The following RIT2 variants were observed in gnomAD, a reference collection of about 807,000 sequenced individuals.
RIT2 encodes Ras like without CAAX 2.
RIT2 carries 24 observed loss-of-function variants against 23.7 expected under a neutral mutation model. That is an observed-to-expected ratio of 1.01 (90% confidence interval 0.73 to 1.43). The LOEUF is 1.43. Among genes scored for constraint, RIT2 ranks in the 40% most tolerant of loss-of-function variants. The pLI is 0.00. For missense variants in RIT2, 236 were observed against 266.9 expected, an observed-to-expected ratio of 0.88 and a Z score of 0.81; for synonymous variants, 107 against 91.1, an observed-to-expected ratio of 1.17 and a Z score of -0.99.
At chr18:43,061,652 G>A (rs1344410341) in intron 1 of RIT2, among the ~76,000 whole-genome samples, 3 of 151,968 alleles carry the variant, frequency 2.0e-5, no homozygotes, top group Non-Finnish European at 4.4e-5. Context: ...CAATTGAACG[G>A]TGCTTTTTCC....
intron 2 of RIT2, among the ~76,000 whole-genome samples, chr18:42,987,180 G>C (rs537605487): frequency 2.6e-5 from 4 of 152,282 alleles, no homozygotes; most frequent in Admixed American, 1.3e-4. Context: ...ATGTATGTGT[G>C]TGCGTACGTA....
chr18:42,915,388 T>C lies in RIT2; in HGVS notation c.426+8184A>G, dbSNP rs548515883. Among the ~76,000 whole-genome samples, 150 of 152,168 alleles carry C rather than the reference T, an allele frequency of 9.9e-4. 1 individual carries two copies. The highest frequency in any genetic ancestry group is 2.8e-3 in the Admixed American group (42 of 15,238). ...TTGGCACCTTTTTGAAGTGACTGGT[T>C]AAAAATTACAAAAGGTTAGTTAAGA... On this transcript the variant is annotated intron_variant, in intron 4 of 4. Transcript: ENST00000326695.
chr18:42,905,992 GTATATATATATATA>G, intron 4 of RIT2, among the ~76,000 whole-genome samples: 1 of 2,222 alleles, frequency 4.5e-4, no homozygotes, highest in South Asian at 0.013. Flanking sequence ...ATATATATAT[GTATATATATATATA>G]CATATATATA....
intron 1 of RIT2, among the ~76,000 whole-genome samples, chr18:43,101,876 C>A (rs759096750): frequency 6.6e-6 from 1 of 152,054 alleles, no homozygotes; most frequent in Non-Finnish European, 1.5e-5. Context: ...TAAGCTCATT[C>A]ATTAAGACGG....
At chr18:42,800,236 C>A (rs949398684) in intron 4 of RIT2, among the ~76,000 whole-genome samples, 2 of 152,210 alleles carry the variant, frequency 1.3e-5, no homozygotes, top group African/African-American at 4.8e-5. Flanking sequence ...CTGTGCACAG[C>A]TGGTCCTATA....
chr18:43,003,761 G>GACACACAC (rs56860348), intron 2 of RIT2, among the ~76,000 whole-genome samples: 80 of 129,588 alleles, frequency 6.2e-4, no homozygotes, highest in African/African-American at 1.9e-3. Context: ...CCTCCTCAGT[G>GACACACAC]ACACACACAC....
In RIT2 at chr18:42,892,657, G is replaced by GTT. The variant is rs1908212506; in HGVS notation, c.426+30914_426+30915insAA. Among the ~76,000 whole-genome samples the GTT allele has an allele frequency of 3.3e-5, 5 of 152,132 alleles. No individual in the cohort carries two copies. In the South Asian group the frequency reaches 6.2e-4, roughly 19 times the overall value. On this transcript the variant is annotated intron_variant, in intron 4 of 4. Coordinates refer to ENST00000326695, the MANE Select transcript of RIT2 (RefSeq NM_002930.4). ...TCATTTGACAAATAAAGCAGCTTTA[G>GTT]GATCATGTACATAAAACATGTGTTA...
At chr18:42,861,842 C>T (rs1455800961) in intron 4 of RIT2, among the ~76,000 whole-genome samples, 3 of 152,184 alleles carry the variant, frequency 2.0e-5, no homozygotes, top group Non-Finnish European at 4.4e-5. Flanking sequence ...AGGGGCTAAA[C>T]AAACCTAGAA....
At chr18:42,886,899 T>C (rs1908036720) in intron 4 of RIT2, among the ~76,000 whole-genome samples, 1 of 152,146 alleles carries the variant, frequency 6.6e-6, no homozygotes, top group Non-Finnish European at 1.5e-5. Context: ...ATTTTCTTTT[T>C]GCAAGACCAC....
intron 4 of RIT2, among the ~76,000 whole-genome samples, chr18:42,872,817 T>C (rs1907652800): frequency 6.6e-6 from 1 of 152,216 alleles, no homozygotes; most frequent in Non-Finnish European, 1.5e-5. Context: ...TCTTGTCCCA[T>C]ATTAATTTTT....
At chr18:42,933,357 C>T (rs1909374737) in intron 3 of RIT2, among the ~76,000 whole-genome samples, 3 of 151,934 alleles carry the variant, frequency 2.0e-5, no homozygotes, top group Non-Finnish European at 2.9e-5. Context: ...TTTTTGTTCC[C>T]AAGTCAGTCA....
At chr18:43,074,865 G>T (rs563448299) in intron 1 of RIT2, among the ~76,000 whole-genome samples, 1 of 152,320 alleles carries the variant, frequency 6.6e-6, no homozygotes, top group South Asian at 2.1e-4. Flanking sequence ...ATGGATGCAG[G>T]GAGGGGAACA....
intron 1 of RIT2, among the ~76,000 whole-genome samples, chr18:43,089,240 G>A (rs192936236): frequency 1.3e-5 from 2 of 152,110 alleles, no homozygotes; most frequent in East Asian, 3.9e-4. Flanking sequence ...AACAATGTCA[G>A]CAAAGTCTCA....
At chr18:42,782,566 A>G (rs1367034879) in intron 4 of RIT2, among the ~76,000 whole-genome samples, 1 of 152,118 alleles carries the variant, frequency 6.6e-6, no homozygotes, top group Non-Finnish European at 1.5e-5. Flanking sequence ...ATATAAGACA[A>G]TAGTGCTTTA....
chr18:43,100,120 G>A lies in RIT2; in HGVS notation c.103+15297C>T, dbSNP rs143419386. On this transcript the variant is annotated intron_variant, in intron 1 of 4. Coordinates refer to ENST00000326695, the MANE Select transcript of RIT2 (RefSeq NM_002930.4). The stretch of plus-strand genomic sequence containing the variant: ...GCAATAGGTGCTATAGAAAGAAAAA[G>A]TGGACCAAAGAAACGGAGATTTGGA... Among the ~76,000 whole-genome samples the A allele has an allele frequency of 2.6e-3, 403 of 152,218 alleles. 1 individual carries two copies. The highest frequency in any genetic ancestry group is 8.8e-3 in the African/African-American group (365 of 41,538).
intron 4 of RIT2, among the ~76,000 whole-genome samples, chr18:42,921,359 T>A (rs1909052156): frequency 6.6e-6 from 1 of 152,162 alleles, no homozygotes; most frequent in African/African-American, 2.4e-5. Flanking sequence ...GTACTTGCTT[T>A]TATCTACAAG....
intron 4 of RIT2, among the ~76,000 whole-genome samples, chr18:42,874,077 A>G (rs1382157211): frequency 1.3e-5 from 2 of 152,180 alleles, no homozygotes; most frequent in Non-Finnish European, 2.9e-5. Context: ...ATTATGAATC[A>G]ACATAACCCT....
intron 4 of RIT2, among the ~76,000 whole-genome samples, chr18:42,824,352 A>G (rs2143997465): frequency 6.6e-6 from 1 of 152,216 alleles, no homozygotes; most frequent in Non-Finnish European, 1.5e-5. Context: ...TTAGTCATCA[A>G]CAAGGAATGA....
chr18:42,956,257 C>T (rs1021135802), intron 3 of RIT2, among the ~76,000 whole-genome samples: 8 of 152,104 alleles, frequency 5.3e-5, no homozygotes, highest in Non-Finnish European at 1.0e-4. Context: ...AGAGGATGCT[C>T]ATGATTAAAA....
Sources: allele counts gnomAD v4.1 joint callset (sites outside exome capture counted in the v4.1 genomes callset), GRCh38; gene constraint gnomAD v4.1.1; transcripts MANE v1.5; gene names NCBI Gene and HGNC (gene_info 2026-07-23, HGNC 2026-07-21).